Variants in CALB2 observed in about 807,000 individuals in gnomAD.
The protein encoded by CALB2 is calretinin.
CALB2 carries 34 observed loss-of-function variants against 45.9 expected under a neutral mutation model. That is an observed-to-expected ratio of 0.74 (90% CI 0.56 to 0.99). The LOEUF is 0.99. CALB2 is among the 50% of genes least tolerant of loss of function. The pLI is 0.00. For missense variants in CALB2, 344 were observed against 339.3 expected, an observed-to-expected ratio of 1.01 and a Z score of -0.11; for synonymous variants, 142 against 129.6, an observed-to-expected ratio of 1.10 and a Z score of -0.65.
At chr16:71,384,439 C>G in intron 8 of CALB2, 61 bp downstream of exon 8, 1 of 1,410,846 alleles carries the variant, frequency 7.1e-7, no homozygotes, top group Non-Finnish European at 1.0e-6. Flanking sequence ...GCCCTGCACC[C>G]TCCTTCCCCC....
chr16:71,384,033 C>A lies in CALB2; in HGVS notation c.533+8C>A. The stretch of plus-strand genomic sequence containing the variant: ...CCTCTCAGAGATGTCCCGGTAAGCA[C>A]CTCACCCCCGGGGTCACTGATACTG... On this transcript the variant is annotated splice_region_variant and intron_variant, in intron 7 of 10. Coordinates refer to ENST00000302628, the MANE Select transcript of CALB2 (RefSeq NM_001740.5). The A allele has an allele frequency of 6.2e-7, 1 of 1,613,544 alleles. No individual in the cohort carries two copies. Among genetic ancestry groups the A allele is most frequent in the Non-Finnish European group, 8.5e-7 (1 of 1,179,590 alleles).
intron 8 of CALB2, 102 bp downstream of exon 8, chr16:71,384,480 CCA>C: frequency 3.7e-6 from 3 of 805,902 alleles, no homozygotes; most frequent in South Asian, 2.8e-5. Context: ...CTACACACAC[CCA>C]CACACACCAC....
intron 5 of CALB2, 139 bp from the exon 6 acceptor site, chr16:71,383,228 G>T: frequency 2.5e-6 from 2 of 792,640 alleles, no homozygotes; most frequent in East Asian, 2.7e-5. Flanking sequence ...GGAATTATGA[G>T]GGCCCTGAGT....
chr16:71,384,781 A>T lies in CALB2; in HGVS notation c.574-2A>T. 6.9e-7 allele frequency: 1 copy of T among 1,442,796 alleles called. No individual in the cohort carries two copies. The highest frequency in any genetic ancestry group is 9.2e-7 in the Non-Finnish European group (1 of 1,089,086). The allele number at this position is 1,442,796 out of a possible 1,614,324, so 89.4% of individuals were successfully genotyped here. A position where few individuals can be genotyped will look rare whatever the true frequency, so the allele number is the denominator to read the frequency against. The stretch of plus-strand genomic sequence containing the variant: ...CTGTCTTTAATACCCTGGTTCTTGC[A>T]GGGCATGAAGCTGACCTCAGAGGAG... On this transcript the variant is annotated splice_acceptor_variant, in intron 8 of 10. Transcript: ENST00000302628. LOFTEE classifies it high-confidence loss of function.
intron 4 of CALB2, among the ~76,000 whole-genome samples, chr16:71,379,293 A>ATAAAT (rs958138241): frequency 6.6e-5 from 10 of 151,528 alleles, no homozygotes; most frequent in African/African-American, 2.2e-4. Flanking sequence ...AAATAAATAA[A>ATAAAT]TAAATAAATA....
chr16:71,375,258 C>T (rs2042396966), intron 3 of CALB2, among the ~76,000 whole-genome samples: 1 of 152,186 alleles, frequency 6.6e-6, no homozygotes, highest in Admixed American at 6.5e-5. Flanking sequence ...CATATATATA[C>T]ATAATTTGCA....
At chr16:71,369,196 T>A (rs2042318945) in intron 1 of CALB2, among the ~76,000 whole-genome samples, 1 of 152,182 alleles carries the variant, frequency 6.6e-6, no homozygotes, top group African/African-American at 2.4e-5. Context: ...TGAGGCTCGC[T>A]GCAGGCCAGC....
Position 71,374,740 on chromosome 16 carries a change from C to A in CALB2, c.172-5C>A. ...CAAAAATCAGCCCCCTTTGTCTTTCCACAGATGTCAAAGAGTGACAACTTT... is the reference window on the plus strand; with the variant it reads ...CAAAAATCAGCCCCCTTTGTCTTTCAACAGATGTCAAAGAGTGACAACTTT... On this transcript the variant is annotated splice_region_variant and splice_polypyrimidine_tract_variant and intron_variant, in intron 2 of 10. Coordinates refer to ENST00000302628, the MANE Select transcript of CALB2 (RefSeq NM_001740.5). 6.2e-7 allele frequency: 1 copy of A among 1,604,922 alleles called. No homozygotes were observed. Among genetic ancestry groups the A allele is most frequent in the Non-Finnish European group, 8.5e-7 (1 of 1,171,960 alleles).
At chr16:71,361,745 A>G (rs1046095302) in intron 1 of CALB2, among the ~76,000 whole-genome samples, 2 of 152,124 alleles carry the variant, frequency 1.3e-5, no homozygotes, top group African/African-American at 4.8e-5. Context: ...AGAAAAAGCC[A>G]CCATCACCCT....
At chr16:71,384,858 G>A in intron 9 of CALB2, 22 bp downstream of exon 9, 1 of 1,609,860 alleles carries the variant, frequency 6.2e-7, no homozygotes, top group South Asian at 1.1e-5. Flanking sequence ...AGTTGGCATG[G>A]CAGGGAAAAT....
At chr16:71,388,751 C>T (rs895609311) in intron 10 of CALB2, among the ~76,000 whole-genome samples, 4 of 150,626 alleles carry the variant, frequency 2.7e-5, no homozygotes, top group Non-Finnish European at 5.9e-5. Flanking sequence ...GAGGTGGAGG[C>T]GGGCAGATCA....
chr16:71,389,270 C>T (rs1484588390), intron 10 of CALB2, among the ~76,000 whole-genome samples: 1 of 151,758 alleles, frequency 6.6e-6, no homozygotes, highest in African/African-American at 2.4e-5. Context: ...AAGGCAAGAC[C>T]AGGGAGCTTT....
In CALB2 at chr16:71,389,825, A is replaced by G. The variant is rs183585581; in HGVS notation, c.776A>G (p.Lys259Arg). 4.3e-6 allele frequency: 7 copies of G among 1,614,018 alleles called. No individual in the cohort carries two copies. The East Asian group carries it at 6.7e-5, about 15-fold the overall frequency. Reference protein sequence around the residue: ...SLAEAGKLYRKDLEIVLCSEP... With the variant: ...SLAEAGKLYRRDLEIVLCSEP... ...GCAGAGGCAGGGAAGCTCTACCGCA[A>G]GGACCTGGAGATTGTGCTCTGCAGC... The change falls in exon 11 of 11, where the codon AAG becomes AGG. Residue 259 changes from lysine (K) to arginine (R), a missense_variant. Physicochemically the swap from Lys to Arg is conservative, Grantham distance 26. Transcript: ENST00000302628.
At chr16:71,382,139 A>AGAAGGAAGGAAG (rs1555526539) in intron 4 of CALB2, among the ~76,000 whole-genome samples, 1 of 64,698 alleles carries the variant, frequency 1.5e-5, no homozygotes, top group African/African-American at 1.0e-4. Flanking sequence ...AAGGAAGGAA[A>AGAAGGAAGGAAG]GAAGGAAGGA....
intron 4 of CALB2, among the ~76,000 whole-genome samples, chr16:71,380,580 T>A (rs1415767041): frequency 2.0e-5 from 3 of 152,110 alleles, no homozygotes; most frequent in African/African-American, 7.2e-5. Flanking sequence ...AGTGCTGGGA[T>A]TACAGGCATG....
chr16:71,359,898 C>T (rs1598156264), intron 1 of CALB2, among the ~76,000 whole-genome samples: 1 of 152,364 alleles, frequency 6.6e-6, no homozygotes, highest in Non-Finnish European at 1.5e-5. Flanking sequence ...ACCCTCCCCT[C>T]GGGTAGCTAA....
rs1349869384 is a variant in CALB2, at chr16:71,372,150, C to T, written c.95-3C>T. The T allele has an allele frequency of 2.5e-6, 4 of 1,597,676 alleles. No homozygotes were observed. Among genetic ancestry groups the T allele is most frequent in the African/African-American group, 1.3e-5 (1 of 74,392 alleles). ...GATTGATTTTTTCTCTCTCTTTTTA[C>T]AGGAAATGGGTATATTGAAGGTAAA... On this transcript the variant is annotated splice_polypyrimidine_tract_variant and splice_region_variant and intron_variant, in intron 1 of 10. Coordinates refer to ENST00000302628, the MANE Select transcript of CALB2 (RefSeq NM_001740.5).
chr16:71,367,752 T>C (rs8058642), intron 1 of CALB2, among the ~76,000 whole-genome samples: 29,933 of 152,176 alleles, frequency 0.2, 3,729 homozygotes, highest in African/African-American at 0.35. Flanking sequence ...CATCAAGGCT[T>C]ACTGCATTGA....
chr16:71,358,798 T>G lies in CALB2; in HGVS notation c.6T>G (p.Ala2=). The change falls in exon 1 of 11, where the codon GCT becomes GCG. Residue 2 remains alanine, a synonymous_variant. Coordinates refer to ENST00000302628, the MANE Select transcript of CALB2 (RefSeq NM_001740.5). ...AGGTCTCCGAGCGGCTCGCCATGGC[T>G]GGCCCGCAGCAGCAGCCCCCTTACC... M[A]GPQQQPPYLH... The G allele has an allele frequency of 6.2e-7, 1 of 1,605,366 alleles. No individual in the cohort carries two copies. The highest frequency in any genetic ancestry group is 8.5e-7 in the Non-Finnish European group (1 of 1,177,364).
Sources: gnomAD v4.1 joint callset for allele counts (sites outside exome capture counted in the v4.1 genomes callset) on GRCh38, gnomAD v4.1.1 for gene constraint, MANE v1.5 for transcripts, NCBI Gene and HGNC (gene_info 2026-07-23, HGNC 2026-07-21) for gene names.